ST6GALNAC5: variants seen among roughly 807,000 people sequenced by gnomAD.
ST6GALNAC5 encodes ST6 N-acetylgalactosaminide alpha-2,6-sialyltransferase 5.
In ST6GALNAC5, 27 loss-of-function variants were observed where a neutral mutation model predicts 33.6. That is an observed-to-expected ratio of 0.80 (90% CI 0.59 to 1.11). The LOEUF (loss-of-function observed/expected upper bound fraction) is 1.11. Ranked by LOEUF, ST6GALNAC5 falls within the 50% of genes least tolerant of loss-of-function variation. ST6GALNAC5 has a pLI of 0.00. For missense variants in ST6GALNAC5, 428 were observed against 454.0 expected, an observed-to-expected ratio of 0.94 and a Z score of 0.52; for synonymous variants, 194 against 171.2, an observed-to-expected ratio of 1.13 and a Z score of -1.04.
Position 76,868,886 on chromosome 1 carries a change from G to C in ST6GALNAC5, c.261+144G>C, listed in dbSNP as rs1489476839. 2 of 1,298,188 alleles carry C rather than the reference G, an allele frequency of 1.5e-6. No individual in the cohort carries two copies. The highest frequency in any genetic ancestry group is 2.8e-5 in the East Asian group (1 of 36,102). The allele number at this position is 1,298,188 out of a possible 1,614,324, so 80.4% of individuals were successfully genotyped here. A position where few individuals can be genotyped will look rare whatever the true frequency, so the allele number is the denominator to read the frequency against. On this transcript the variant is annotated intron_variant, in intron 2 of 4. Coordinates refer to ENST00000477717, the MANE Select transcript of ST6GALNAC5 (RefSeq NM_030965.3). The surrounding 1 kb of genome is among the most constrained non-coding windows in gnomAD (Gnocchi z 4.3). ...GGAGTGGACCCGCTGGGGTAGGGTG[G>C]GCTAGTTCCAACTTGGTATGAATTC...
intron 4 of ST6GALNAC5, among the ~76,000 whole-genome samples, chr1:77,056,952 G>C (rs985902701): frequency 6.6e-6 from 1 of 152,122 alleles, no homozygotes; most frequent in Non-Finnish European, 1.5e-5. Context: ...GCACCTCCAG[G>C]ACTGTGACAG....
chr1:76,928,374 C>A (rs1354290587), intron 2 of ST6GALNAC5, among the ~76,000 whole-genome samples: 1 of 152,094 alleles, frequency 6.6e-6, no homozygotes, highest in African/African-American at 2.4e-5. Context: ...GGAAGTGTGG[C>A]TTTTAATAAA....
intron 2 of ST6GALNAC5, among the ~76,000 whole-genome samples, chr1:76,892,487 A>G (rs1210382730): frequency 6.6e-6 from 1 of 152,200 alleles, no homozygotes; most frequent in Non-Finnish European, 1.5e-5. Flanking sequence ...AATAGTCCAT[A>G]TGTTTATAAA....
At chr1:77,055,085 C>T (rs1001107870) in intron 4 of ST6GALNAC5, among the ~76,000 whole-genome samples, 14 of 151,806 alleles carry the variant, frequency 9.2e-5, no homozygotes, top group Admixed American at 2.6e-4. Context: ...ACATGACTGC[C>T]TTACTAGATG....
chr1:77,062,548 T>C (rs1023888123), intron 4 of ST6GALNAC5, among the ~76,000 whole-genome samples: 1 of 152,156 alleles, frequency 6.6e-6, no homozygotes, highest in Admixed American at 6.5e-5. Flanking sequence ...CACATCATAA[T>C]GCATCCCAGC....
chr1:76,895,291 T>TG (rs898925761), intron 2 of ST6GALNAC5, among the ~76,000 whole-genome samples: 3 of 151,640 alleles, frequency 2.0e-5, no homozygotes, highest in Non-Finnish European at 4.4e-5. Context: ...GTGAAAATTT[T>TG]GGGGGGGTGA....
intron 2 of ST6GALNAC5, among the ~76,000 whole-genome samples, chr1:77,021,910 A>G (rs1334538134): frequency 2.0e-5 from 3 of 152,172 alleles, no homozygotes; most frequent in Non-Finnish European, 4.4e-5. Context: ...TTAAGGGGAA[A>G]TTTGAGAGCC....
At chr1:76,943,322 T>G (rs1647401173) in intron 2 of ST6GALNAC5, among the ~76,000 whole-genome samples, 1 of 152,164 alleles carries the variant, frequency 6.6e-6, no homozygotes, top group Admixed American at 6.5e-5. Flanking sequence ...TTTACCATTA[T>G]GCTAGACTGC....
chr1:76,868,822 G>T lies in ST6GALNAC5; in HGVS notation c.261+80G>T. 1 of 1,430,034 alleles carries T rather than the reference G, an allele frequency of 7.0e-7. No homozygotes were observed. The highest frequency in any genetic ancestry group is 1.5e-5 in the South Asian group (1 of 66,704). The allele number at this position is 1,430,034 out of a possible 1,614,324, so 88.6% of individuals were successfully genotyped here. On this transcript the variant is annotated intron_variant, in intron 2 of 4. Transcript: ENST00000477717. This position sits in a 1 kb window ranked among gnomAD's most constrained non-coding sequence, Gnocchi z 4.3. ...TGAGCCTTCCCCCTTTCCCGGGGCTGGGAGGCGCTGTGAGTAGGTGCCGTT... is the reference window on the plus strand; with the variant it reads ...TGAGCCTTCCCCCTTTCCCGGGGCTTGGAGGCGCTGTGAGTAGGTGCCGTT...
intron 2 of ST6GALNAC5, among the ~76,000 whole-genome samples, chr1:76,897,334 A>G (rs1044918641): frequency 2.0e-5 from 3 of 152,178 alleles, no homozygotes; most frequent in Non-Finnish European, 4.4e-5. Flanking sequence ...CATGGGGTGG[A>G]TAGGCAAAAC....
At chr1:77,050,405 G>A (rs368765610) in intron 4 of ST6GALNAC5, 40 bp downstream of exon 4, 23 of 1,573,660 alleles carry the variant, frequency 1.5e-5, no homozygotes, top group African/African-American at 8.1e-5. Context: ...CAGCCGTGTT[G>A]TGCAGGATTT....
intron 2 of ST6GALNAC5, among the ~76,000 whole-genome samples, chr1:77,018,915 A>G (rs10489463): frequency 0.043 from 6,522 of 152,292 alleles, 282 homozygotes; most frequent in East Asian, 0.23. Context: ...CACTTAACAG[A>G]TGCAAATGGC....
intron 2 of ST6GALNAC5, among the ~76,000 whole-genome samples, chr1:76,937,229 A>G (rs1022419743): frequency 6.6e-6 from 1 of 151,864 alleles, no homozygotes; most frequent in African/African-American, 2.4e-5. Context: ...GGTTTTTATT[A>G]TTTTCCTTGT....
intron 2 of ST6GALNAC5, among the ~76,000 whole-genome samples, chr1:76,999,409 A>C (rs1220663742): frequency 6.6e-6 from 1 of 151,896 alleles, no homozygotes; most frequent in Non-Finnish European, 1.5e-5. Flanking sequence ...ATGGTTTGGT[A>C]CAAACTTGCT....
At chr1:77,006,331 T>C (rs1211999257) in intron 2 of ST6GALNAC5, among the ~76,000 whole-genome samples, 1 of 145,626 alleles carries the variant, frequency 6.9e-6, no homozygotes, top group Non-Finnish European at 1.5e-5. Context: ...ATTTTTTTTT[T>C]TTTTTTTTTT....
rs542063458 is a variant in ST6GALNAC5 at position 77,010,434 on chromosome 1, G to A, written c.262-33770G>A. 1.4e-3 allele frequency among the ~76,000 whole-genome samples: 207 copies of A among 152,268 alleles called. 2 individuals carry two copies. Among genetic ancestry groups the A allele is most frequent in the African/African-American group, 4.7e-3 (196 of 41,556 alleles). On this transcript the variant is annotated intron_variant, in intron 2 of 4. Coordinates refer to ENST00000477717, the MANE Select transcript of ST6GALNAC5 (RefSeq NM_030965.3). ...TGCTTGAGCCTGGGAGACAGAGGTT[G>A]CAGTGAACCAAGATCGTGCCACTGC...
intron 2 of ST6GALNAC5, among the ~76,000 whole-genome samples, chr1:77,039,038 CA>C (rs1377560181): frequency 6.6e-6 from 1 of 152,102 alleles, no homozygotes; most frequent in Non-Finnish European, 1.5e-5. Context: ...AAAGAGACAG[CA>C]AAAATAAAAT....
chr1:77,035,718 T>C (rs991396574), intron 2 of ST6GALNAC5, among the ~76,000 whole-genome samples: 3 of 152,086 alleles, frequency 2.0e-5, no homozygotes, highest in Admixed American at 1.3e-4. Flanking sequence ...AAAAGCACAG[T>C]GAGGTACTTC....
rs374104141 is a variant in ST6GALNAC5, at chr1:76,928,646, G to A, written c.261+59904G>A. 7.2e-5 allele frequency among the ~76,000 whole-genome samples: 11 copies of A among 152,136 alleles called. 1 individual carries two copies. In the East Asian group the frequency reaches 1.5e-3, roughly 21 times the overall value. ...TTGGACAGCTACAATAAGTGAGAAG[G>A]GTGCCTTATTTTGCAAATGGGCATG... On this transcript the variant is annotated intron_variant, in intron 2 of 4. Transcript: ENST00000477717.
Sources: allele counts gnomAD v4.1 joint callset (sites outside exome capture counted in the v4.1 genomes callset), GRCh38; gene constraint gnomAD v4.1.1; non-coding constraint Gnocchi (gnomAD v3.1); transcripts MANE v1.5; gene names NCBI Gene and HGNC (gene_info 2026-07-23, HGNC 2026-07-21).